SLC45A4: variants seen among roughly 807,000 people sequenced by gnomAD.
SLC45A4 encodes the protein polyamine-transporter SLC45A4.
In SLC45A4, 32 loss-of-function variants were observed where a neutral mutation model predicts 63.7. The observed-to-expected ratio is 0.50, with a 90% CI of 0.38 to 0.67. The LOEUF is 0.67. SLC45A4 is among the 30% of genes least tolerant of loss of function. The pLI is 0.00. For synonymous variants in SLC45A4, 535 were observed against 510.0 expected (o/e 1.05, Z -0.66); for missense variants, 1,027 against 1,157.7 (o/e 0.89, Z 1.64).
At chr8:141,304,340 C>G (rs1330379822) in intron 1 of SLC45A4, among the ~76,000 whole-genome samples, 1 of 152,074 alleles carries the variant, frequency 6.6e-6, no homozygotes, top group Non-Finnish European at 1.5e-5. Flanking sequence ...AGGCAGATCA[C>G]TTGAGGTCAG....
intron 1 of SLC45A4, among the ~76,000 whole-genome samples, chr8:141,264,844 A>G (rs1228466011): frequency 2.6e-5 from 4 of 152,222 alleles, no homozygotes; most frequent in Non-Finnish European, 5.9e-5. Context: ...ACAGCTGTTA[A>G]GTGTTGTTTA....
chr8:141,281,442 T>C (rs184806133), intron 1 of SLC45A4, among the ~76,000 whole-genome samples: 1 of 152,184 alleles, frequency 6.6e-6, no homozygotes, highest in East Asian at 1.9e-4. Context: ...ACTGCGAGTG[T>C]TGTAAAGGGC....
At chr8:141,300,349 T>C (rs1311533604) in intron 1 of SLC45A4, among the ~76,000 whole-genome samples, 2 of 152,222 alleles carry the variant, frequency 1.3e-5, no homozygotes, top group African/African-American at 2.4e-5. Flanking sequence ...CTGAGTGGGA[T>C]GGGAAGTGGT....
At chr8:141,234,701 G>A (rs1030893697) in intron 2 of SLC45A4, among the ~76,000 whole-genome samples, 1 of 151,890 alleles carries the variant, frequency 6.6e-6, no homozygotes, top group African/African-American at 2.4e-5. Context: ...TGTCAGGGCT[G>A]TGGCGGTGGC....
At chr8:141,285,776 G>A (rs530467252) in intron 1 of SLC45A4, among the ~76,000 whole-genome samples, 9 of 152,306 alleles carry the variant, frequency 5.9e-5, no homozygotes, top group African/African-American at 1.2e-4. Context: ...CCTTCTGACC[G>A]GCCGAGGGCA....
At chr8:141,274,160 C>CA (rs1180998050) in intron 1 of SLC45A4, among the ~76,000 whole-genome samples, 1 of 151,896 alleles carries the variant, frequency 6.6e-6, no homozygotes, top group African/African-American at 2.4e-5. Flanking sequence ...ACCTGGGAGA[C>CA]AGAGTTTACA....
At position 141,278,516 on chromosome 8, in the gene SLC45A4, C is replaced by T. The variant is rs941720838; in HGVS notation, c.-400-23887G>A. On this transcript the variant is annotated intron_variant, in intron 1 of 8. Transcript: ENST00000517878. The surrounding 1 kb of genome is among the most constrained non-coding windows in gnomAD (Gnocchi z 4.1). The stretch of plus-strand genomic sequence containing the variant: ...GCACCTGTGGTGGAGGCGGGGCGGG[C>T]GGCCGACCCACGAGGACACTGGTGA... Among the ~76,000 whole-genome samples the T allele has an allele frequency of 2.0e-5, 3 of 150,550 alleles. No homozygotes were observed. Among genetic ancestry groups the T allele is most frequent in the Non-Finnish European group, 3.0e-5 (2 of 67,554 alleles).
intron 2 of SLC45A4, among the ~76,000 whole-genome samples, chr8:141,251,864 C>T (rs1476720321): frequency 6.6e-6 from 1 of 150,906 alleles, no homozygotes; most frequent in Non-Finnish European, 1.5e-5. Flanking sequence ...AGCATCAGCT[C>T]CCACGGCAGG....
At chr8:141,235,193 A>G (rs946394560) in intron 2 of SLC45A4, among the ~76,000 whole-genome samples, 6 of 152,246 alleles carry the variant, frequency 3.9e-5, no homozygotes, top group African/African-American at 1.4e-4. Flanking sequence ...ACTGAAAACC[A>G]GGTGATATGA....
chr8:141,222,181 C>G (rs1204788314), intron 2 of SLC45A4, among the ~76,000 whole-genome samples: 1 of 152,236 alleles, frequency 6.6e-6, no homozygotes, highest in Non-Finnish European at 1.5e-5. Context: ...AGGCACAGGG[C>G]CACTGTCCCT....
At chr8:141,294,422 G>A (rs140555250) in intron 1 of SLC45A4, among the ~76,000 whole-genome samples, 5 of 152,312 alleles carry the variant, frequency 3.3e-5, no homozygotes, top group East Asian at 1.9e-4. Context: ...CCCAGCCCCC[G>A]CCTCACCAAC....
chr8:141,212,142 G>GCCCCCCCCCCCCCC, intron 8 of SLC45A4, 55 bp downstream of exon 8: 1 of 491,698 alleles, frequency 2.0e-6, no homozygotes, highest in South Asian at 8.1e-5. Flanking sequence ...CCCGCCGCCC[G>GCCCCCCCCCCCCCC]CCCGCCCGCC....
chr8:141,211,685 T>A lies in SLC45A4; in HGVS notation c.2314A>T (p.Ile772Phe). 1 of 1,594,844 alleles carries A rather than the reference T, an allele frequency of 6.3e-7. No homozygotes were observed. ...TGTGACGAGATCTGACAGACGTCAATACCTGCAGGCGTCTACAGAGAGGAA... is the reference window on the plus strand; with the variant it reads ...TGTGACGAGATCTGACAGACGTCAAAACCTGCAGGCGTCTACAGAGAGGAA... ...VETESVTPAG[I>F]DVCQISSHWL... The change falls in exon 9 of 9, where the codon ATT (isoleucine) becomes TTT (phenylalanine). Residue 772 changes from isoleucine (I) to phenylalanine (F), a missense_variant. Ile to Phe is a conservative substitution (Grantham distance 21, BLOSUM62 0). Coordinates refer to ENST00000517878, the MANE Select transcript of SLC45A4 (RefSeq NM_001286646.2).
Position 141,218,110 on chromosome 8 carries a change from C to A in SLC45A4, c.1530G>T (p.Arg510=), listed in dbSNP as rs770029435. The A allele has an allele frequency of 1.2e-6, 2 of 1,612,422 alleles. No individual in the cohort carries two copies. Among genetic ancestry groups the A allele is most frequent in the South Asian group, 1.1e-5 (1 of 91,082 alleles). ...SMLKMPRELM[R]LCLCHLLTWF... ...AGGTGAGGAGGTGGCAGAGGCACAG[C>A]CGCATCAGCTCCCTGGGCATCTTCA... The change falls in exon 5 of 9, where the codon CGG becomes CGT. Residue 510 remains arginine (R), a synonymous_variant. Transcript: ENST00000517878.
intron 2 of SLC45A4, among the ~76,000 whole-genome samples, chr8:141,240,011 G>A (rs1827828277): frequency 1.3e-5 from 2 of 152,174 alleles, no homozygotes; most frequent in South Asian, 2.1e-4. Flanking sequence ...AAGAAAAGGC[G>A]AGCTTCCAGC....
chr8:141,279,277 C>T (rs1484447760), intron 1 of SLC45A4, among the ~76,000 whole-genome samples: 1 of 152,244 alleles, frequency 6.6e-6, no homozygotes, highest in East Asian at 1.9e-4. Context: ...AGGATGGCTG[C>T]CAGGTGAAGG....
chr8:141,284,396 G>C (rs1006177665), intron 1 of SLC45A4, among the ~76,000 whole-genome samples: 2 of 152,242 alleles, frequency 1.3e-5, no homozygotes, highest in Non-Finnish European at 2.9e-5. Context: ...AGCTCGGGAG[G>C]GAGGGGCCAC....
intron 2 of SLC45A4, among the ~76,000 whole-genome samples, chr8:141,242,433 C>T (rs1827959750): frequency 6.6e-6 from 1 of 152,160 alleles, no homozygotes. Context: ...ATTGTTTTCC[C>T]ACAGAGGATG....
At chr8:141,287,212 T>C (rs1184373644) in intron 1 of SLC45A4, among the ~76,000 whole-genome samples, 1 of 152,150 alleles carries the variant, frequency 6.6e-6, no homozygotes, top group Non-Finnish European at 1.5e-5. Context: ...CAGCAACCTA[T>C]AATAAACAGA....
Sources: gnomAD v4.1 joint callset for allele counts (sites outside exome capture counted in the v4.1 genomes callset) on GRCh38, gnomAD v4.1.1 for gene constraint, Gnocchi (gnomAD v3.1) non-coding constraint, MANE v1.5 for transcripts, NCBI Gene and HGNC (gene_info 2026-07-23, HGNC 2026-07-21) for gene names.